The following TAF4 variants were observed in gnomAD, a reference collection of about 807,000 sequenced individuals.
TAF4 encodes the protein transcription initiation factor TFIID subunit 4.
A neutral mutation model predicts 90.3 loss-of-function variants in TAF4; 9 were observed. The observed-to-expected ratio is 0.10, with a 90% confidence interval of 0.06 to 0.17. The LOEUF is 0.17. Ranked by LOEUF, TAF4 falls within the 10% of genes least tolerant of loss-of-function variation. The pLI is 1.00. For missense variants in TAF4, 1,351 were observed against 1,370.7 expected, an observed-to-expected ratio of 0.99 and a Z score of 0.23; for synonymous variants, 818 against 638.9, an observed-to-expected ratio of 1.28 and a Z score of -4.23.
chr20:62,017,790 C>T (rs1036921100), intron 1 of TAF4, among the ~76,000 whole-genome samples: 1 of 151,390 alleles, frequency 6.6e-6, no homozygotes, highest in African/African-American at 2.4e-5. Flanking sequence ...GCCGAGATTG[C>T]ACCACTGCAC....
intron 1 of TAF4, among the ~76,000 whole-genome samples, chr20:62,037,038 T>C (rs1216715388): frequency 6.6e-6 from 1 of 152,186 alleles, no homozygotes; most frequent in African/African-American, 2.4e-5. Flanking sequence ...GAAATGAATT[T>C]CCGGTGTCTA....
chr20:62,054,787 A>G (rs1320666292), intron 1 of TAF4, among the ~76,000 whole-genome samples: 4 of 152,042 alleles, frequency 2.6e-5, no homozygotes, highest in Non-Finnish European at 5.9e-5. Flanking sequence ...TCTACTCTAC[A>G]GGCTCATAAC....
intron 3 of TAF4, 170 bp downstream of exon 3, chr20:62,012,645 G>T: frequency 2.3e-6 from 2 of 885,590 alleles, no homozygotes; most frequent in Non-Finnish European, 3.2e-6. Flanking sequence ...CTTATCCCAT[G>T]TTGGTGGTCA....
rs148427250 is a variant in TAF4 at position 62,050,234 on chromosome 20, C to G, written c.1360+14217G>C. On this transcript the variant is annotated intron_variant, in intron 1 of 14. Transcript: ENST00000252996. ...GCAGCAGAAGGAAGGGCTCCTCCCCCACATGACCTATCCTCGGCCTCTCAT... is the reference window on the plus strand; with the variant it reads ...GCAGCAGAAGGAAGGGCTCCTCCCCGACATGACCTATCCTCGGCCTCTCAT... Among the ~76,000 whole-genome samples, 49 of 152,286 alleles carry G rather than the reference C, an allele frequency of 3.2e-4. No individual in the cohort carries two copies. In the South Asian group the frequency reaches 3.7e-3, roughly 12 times the overall value.
chr20:62,042,775 C>T (rs2055971357), intron 1 of TAF4, among the ~76,000 whole-genome samples: 2 of 152,236 alleles, frequency 1.3e-5, no homozygotes. Flanking sequence ...TATACTGCAT[C>T]TACTTATTAA....
At chr20:61,995,009 G>A (rs2055654691) in intron 14 of TAF4, among the ~76,000 whole-genome samples, 1 of 152,210 alleles carries the variant, frequency 6.6e-6, no homozygotes, top group African/African-American at 2.4e-5. Context: ...CTAAGTTAAA[G>A]GGGCTTGAGA....
chr20:61,982,216 A>C (rs2055550403), intron 14 of TAF4, among the ~76,000 whole-genome samples: 1 of 18,636 alleles, frequency 5.4e-5, no homozygotes, highest in Non-Finnish European at 1.9e-4. Flanking sequence ...AGGAGACACC[A>C]AACCCACACC....
In TAF4 at chr20:62,009,178, G is replaced by C; in HGVS notation, c.1762-4C>G. 1.2e-6 allele frequency: 2 copies of C among 1,601,172 alleles called. No individual in the cohort carries two copies. The highest frequency in any genetic ancestry group is 1.7e-6 in the Non-Finnish European group (2 of 1,176,112). Reference sequence around the variant, plus strand: ...TCTTCACGTTTTCCATAGTTTCCTGGATTAAAGTAAAAAGATATAAGTGAA... The same window carrying C: ...TCTTCACGTTTTCCATAGTTTCCTGCATTAAAGTAAAAAGATATAAGTGAA... On this transcript the variant is annotated splice_polypyrimidine_tract_variant and splice_region_variant and intron_variant, in intron 4 of 14. Transcript: ENST00000252996.
chr20:62,061,046 G>A lies in TAF4; in HGVS notation c.1360+3405C>T, dbSNP rs148762021. ...TTACAGCTGGGTAAGCCAAGGCTCC[G>A]AGGAACAACATATTCCTCCCAGGTC... On this transcript the variant is annotated intron_variant, in intron 1 of 14. Transcript: ENST00000252996. Among the ~76,000 whole-genome samples the A allele has an allele frequency of 3.8e-3, 581 of 152,328 alleles. 2 individuals are homozygous for A. Among genetic ancestry groups the A allele is most frequent in the Non-Finnish European group, 5.5e-3 (376 of 68,026 alleles).
At chr20:62,047,539 G>A (rs1162272769) in intron 1 of TAF4, among the ~76,000 whole-genome samples, 1 of 152,136 alleles carries the variant, frequency 6.6e-6, no homozygotes, top group Non-Finnish European at 1.5e-5. Flanking sequence ...GCACAAGAAA[G>A]GGGCGCTGAG....
chr20:61,992,468 A>AC (rs1163915214), intron 14 of TAF4, among the ~76,000 whole-genome samples: 4 of 131,106 alleles, frequency 3.1e-5, no homozygotes, highest in Non-Finnish European at 6.4e-5. Context: ...CCAATTCCCC[A>AC]CCCCCCAAGC....
intron 1 of TAF4, among the ~76,000 whole-genome samples, chr20:62,059,999 A>G (rs2056080638): frequency 1.3e-5 from 2 of 152,266 alleles, no homozygotes; most frequent in African/African-American, 4.8e-5. Flanking sequence ...AACTGTCTCC[A>G]TTCCACTCTG....
At position 62,010,434 on chromosome 20, in the gene TAF4, C is replaced by T. The variant is rs750923106; in HGVS notation, c.1642-269G>A. 6.6e-5 allele frequency among the ~76,000 whole-genome samples: 10 copies of T among 152,170 alleles called. No individual in the cohort carries two copies. Among genetic ancestry groups the T allele is most frequent in the Non-Finnish European group, 1.2e-4 (8 of 68,034 alleles). On this transcript the variant is annotated intron_variant, in intron 3 of 14. Transcript: ENST00000252996. The surrounding 1 kb of genome is among the most constrained non-coding windows in gnomAD (Gnocchi z 4.5). The stretch of plus-strand genomic sequence containing the variant: ...AAACGGACGTTCACAAAGCCAGGCA[C>T]TGCAGAGACCCCAGTCCTCAGAAGT...
At chr20:62,051,562 G>A (rs551729063) in intron 1 of TAF4, among the ~76,000 whole-genome samples, 2 of 152,050 alleles carry the variant, frequency 1.3e-5, no homozygotes, top group East Asian at 1.9e-4. Context: ...ACCGCCATAG[G>A]ACACAGGGCT....
chr20:62,034,636 T>C (rs1463702952), intron 1 of TAF4, among the ~76,000 whole-genome samples: 1 of 151,562 alleles, frequency 6.6e-6, no homozygotes, highest in African/African-American at 2.4e-5. Flanking sequence ...AGCCAGAAAA[T>C]GTGTTTAAAA....
At position 62,064,915 on chromosome 20, in the gene TAF4, G is replaced by A. The variant is rs1165243025; in HGVS notation, c.896C>T (p.Pro299Leu). The change falls in exon 1 of 15, where the codon CCC (proline) becomes CTC (leucine). Residue 299 changes from proline (P) to leucine (L), a missense_variant. By Grantham distance (98) the Pro-to-Leu change is moderately conservative. Coordinates refer to ENST00000252996, the MANE Select transcript of TAF4 (RefSeq NM_003185.4). ...GCCCCCGTTCTGGGCGGCGGCGGGG[G>A]GCGGCACGGCGGGCGCGGCGGTCGG... Reference protein sequence around the residue: ...GPPTAAPAVPPPAAAQNGGSA... With the variant: ...GPPTAAPAVPLPAAAQNGGSA... 66 of 655,556 alleles carry A rather than the reference G, an allele frequency of 1.0e-4. No homozygotes were observed. The highest frequency in any genetic ancestry group is 2.9e-4 in the East Asian group (2 of 6,828). The allele number at this position is 655,556 out of a possible 1,614,324, so 40.6% of individuals were successfully genotyped here.
In TAF4 at chr20:62,062,773, C is replaced by T. The variant is rs28382001; in HGVS notation, c.1360+1678G>A. On this transcript the variant is annotated intron_variant, in intron 1 of 14. Coordinates refer to ENST00000252996, the MANE Select transcript of TAF4 (RefSeq NM_003185.4). ...AACCACGTATTCCTTCACCTCCTCC[C>T]AGAAGAAAGAGACAGATGAGGCTTT... Among the ~76,000 whole-genome samples the T allele has an allele frequency of 2.7e-3, 408 of 152,290 alleles. 3 individuals are homozygous for T. Among genetic ancestry groups the T allele is most frequent in the East Asian group, 0.02 (102 of 5,178 alleles).
In TAF4 at chr20:62,010,105, G is replaced by T; in HGVS notation, c.1702C>A (p.Gln568Lys). 6.2e-7 allele frequency: 1 copy of T among 1,613,956 alleles called. No homozygotes were observed. The change falls in exon 4 of 15, where the codon CAG (glutamine) becomes AAG (lysine). Residue 568 changes from glutamine (Q) to lysine (K), a missense_variant. Coordinates refer to ENST00000252996, the MANE Select transcript of TAF4 (RefSeq NM_003185.4). This position sits in a 1 kb window ranked among gnomAD's most constrained non-coding sequence, Gnocchi z 4.5. ...ACCGTGCGCTGAGGAGTCCCCGTCTGAACAGCCGTCGCCGTCCCAAGTGAA... is the reference window on the plus strand; with the variant it reads ...ACCGTGCGCTGAGGAGTCCCCGTCTTAACAGCCGTCGCCGTCCCAAGTGAA... ...TASLGTATAV[Q>K]TGTPQRTVPG...
intron 14 of TAF4, among the ~76,000 whole-genome samples, chr20:61,990,250 C>T (rs1053677083): frequency 1.3e-5 from 2 of 152,208 alleles, no homozygotes; most frequent in East Asian, 3.8e-4. Context: ...GGGGACGAAG[C>T]AGACAGCGTG....
Sources: gnomAD v4.1 joint callset for allele counts (sites outside exome capture counted in the v4.1 genomes callset) on GRCh38, gnomAD v4.1.1 for gene constraint, Gnocchi (gnomAD v3.1) non-coding constraint, MANE v1.5 for transcripts, NCBI Gene and HGNC (gene_info 2026-07-23, HGNC 2026-07-21) for gene names.